PPP2R2B: variants seen among roughly 807,000 people sequenced by gnomAD.
PPP2R2B encodes the protein serine/threonine-protein phosphatase 2A 55 kDa regulatory subunit B beta isoform.
A neutral mutation model predicts 46.0 loss-of-function variants in PPP2R2B; 5 were observed. The ratio of observed to expected loss-of-function variants is 0.11; its 90% CI spans 0.06 to 0.23. The LOEUF is 0.23. Among genes scored for constraint, PPP2R2B ranks in the 10% least tolerant of loss-of-function variants. The pLI is 1.00. For synonymous variants in PPP2R2B, 215 were observed against 206.7 expected (o/e 1.04, Z -0.34); for missense variants, 367 against 575.0 (o/e 0.64, Z 3.70).
intron 2 of PPP2R2B, among the ~76,000 whole-genome samples, chr5:146,710,199 A>G (rs1290865135): frequency 6.6e-6 from 1 of 152,224 alleles, no homozygotes; most frequent in Non-Finnish European, 1.5e-5. Flanking sequence ...TTGTAAAATT[A>G]TGACTTCAGA....
chr5:147,060,059 A>G (rs531195960), upstream of PPP2R2B, among the ~76,000 whole-genome samples: 470 of 152,306 alleles, frequency 3.1e-3, 2 homozygotes, highest in South Asian at 9.7e-3. Flanking sequence ...TAGCTTATTT[A>G]ATATTAATCA....
chr5:146,780,775 G>A (rs1755461674), intron 2 of PPP2R2B, among the ~76,000 whole-genome samples: 1 of 152,048 alleles, frequency 6.6e-6, no homozygotes, highest in Non-Finnish European at 1.5e-5. Flanking sequence ...AATTCTCTCT[G>A]CCTGTTCTTC....
At chr5:146,733,079 C>T (rs755370733) in intron 2 of PPP2R2B, among the ~76,000 whole-genome samples, 8 of 152,114 alleles carry the variant, frequency 5.3e-5, no homozygotes, top group African/African-American at 9.7e-5. Context: ...GAATATGGGC[C>T]GAATTTGGAC....
chr5:146,655,490 T>A (rs2151100192), intron 5 of PPP2R2B, among the ~76,000 whole-genome samples: 1 of 152,322 alleles, frequency 6.6e-6, no homozygotes, highest in Non-Finnish European at 1.5e-5. Flanking sequence ...CAGAGTTTTT[T>A]AAACACTTCA....
chr5:146,720,249 C>A (rs1780721035), intron 2 of PPP2R2B, among the ~76,000 whole-genome samples: 1 of 152,184 alleles, frequency 6.6e-6, no homozygotes, highest in Non-Finnish European at 1.5e-5. Flanking sequence ...AAAAAACAGT[C>A]AAAACTGCAA....
chr5:147,007,287 G>C (rs1008521962), intron 1 of PPP2R2B, among the ~76,000 whole-genome samples: 3 of 152,170 alleles, frequency 2.0e-5, no homozygotes, highest in Admixed American at 2.0e-4. Flanking sequence ...TTAGAGGGGG[G>C]ATTGAGAGGT....
At chr5:146,869,486 T>C (rs1473513578) in intron 2 of PPP2R2B, among the ~76,000 whole-genome samples, 2 of 152,230 alleles carry the variant, frequency 1.3e-5, no homozygotes, top group South Asian at 2.1e-4. Context: ...TGTTCTGATA[T>C]GGAAAAATCT....
At chr5:146,987,318 A>T (rs1753476727) in intron 1 of PPP2R2B, among the ~76,000 whole-genome samples, 1 of 152,126 alleles carries the variant, frequency 6.6e-6, no homozygotes, top group African/African-American at 2.4e-5. Context: ...ACAAGAAAAC[A>T]TCTGAAGAAA....
intron 1 of PPP2R2B, among the ~76,000 whole-genome samples, chr5:146,985,334 T>A (rs1034000701): frequency 6.6e-6 from 1 of 152,170 alleles, no homozygotes; most frequent in African/African-American, 2.4e-5. Context: ...TTGCAAATAT[T>A]TTCTTCTCAT....
chr5:146,910,797 A>T (rs192805642), intron 1 of PPP2R2B, among the ~76,000 whole-genome samples: 1 of 152,208 alleles, frequency 6.6e-6, no homozygotes, highest in East Asian at 1.9e-4. Flanking sequence ...TAAAAAGAAT[A>T]TAGTATAAAA....
chr5:147,069,521 T>A (rs1038744003), intron 2 of PPP2R2B, among the ~76,000 whole-genome samples: 1 of 152,094 alleles, frequency 6.6e-6, no homozygotes, highest in Admixed American at 6.5e-5. Flanking sequence ...AACTTCAACA[T>A]AAACTCTTCC....
At chr5:146,794,427 A>G (rs529937722) in intron 2 of PPP2R2B, among the ~76,000 whole-genome samples, 3 of 152,334 alleles carry the variant, frequency 2.0e-5, no homozygotes, top group Admixed American at 2.0e-4. Context: ...AACTTTACCT[A>G]ATGATAGTTG....
At chr5:146,662,955 G>C (rs1309416379) in intron 5 of PPP2R2B, among the ~76,000 whole-genome samples, 1 of 152,088 alleles carries the variant, frequency 6.6e-6, no homozygotes, top group Admixed American at 6.6e-5. Context: ...TTAGTAAAGA[G>C]ATGTAAATTA....
At chr5:146,681,594 T>G (rs920510699) in intron 5 of PPP2R2B, among the ~76,000 whole-genome samples, 1 of 152,232 alleles carries the variant, frequency 6.6e-6, no homozygotes, top group African/African-American at 2.4e-5. Flanking sequence ...TCCTTGATTT[T>G]TCACTTCCTT....
rs375864986 is a variant in PPP2R2B at position 146,907,736 on chromosome 5, T to C, written c.79+147929A>G. Among the ~76,000 whole-genome samples, 6 of 152,386 alleles carry C rather than the reference T, an allele frequency of 3.9e-5. No individual in the cohort carries two copies. In the East Asian group the frequency reaches 1.2e-3, roughly 29 times the overall value. On this transcript the variant is annotated intron_variant, in intron 1 of 8. Coordinates refer to the PPP2R2B transcript ENST00000336640. The stretch of plus-strand genomic sequence containing the variant: ...TTGTCTTTTCCCATACCACTTTCAT[T>C]TTCTACTGCTTTGAAATCCTACACT...
chr5:146,978,502 C>T (rs115293701), intron 1 of PPP2R2B, among the ~76,000 whole-genome samples: 2,622 of 152,102 alleles, frequency 0.017, 42 homozygotes, highest in African/African-American at 0.048. Context: ...TATGATTTTA[C>T]GTACTACGTT....
intron 7 of PPP2R2B, among the ~76,000 whole-genome samples, chr5:146,602,427 A>G (rs1227343193): frequency 1.3e-5 from 2 of 152,174 alleles, no homozygotes; most frequent in Non-Finnish European, 2.9e-5. Flanking sequence ...CAGCTGAAAC[A>G]TATGCATTTG....
In PPP2R2B at chr5:146,698,054, C is replaced by G. The variant is rs1208250082; in HGVS notation, c.259G>C (p.Glu87Gln). The change falls in exon 4 of 10, where the codon GAA (glutamate) becomes CAA (glutamine). Residue 87 changes from glutamate to glutamine, a missense_variant. Physicochemically the swap from Glu to Gln is conservative, Grantham distance 29 (BLOSUM62 2). Around this residue, in one of 2 missense-constraint regions of PPP2R2B, gnomAD observed 361 missense variants for 545.5 expected, o/e 0.66. Transcript: ENST00000394411. ...ATTTTATTGATTTTTTCTTCTATTT[C>G]TAAACTCTTCAGGTAATCGAACTCG... ...EPEFDYLKSLEIEEKINKIRW... is the reference protein window; with the variant it reads ...EPEFDYLKSLQIEEKINKIRW... 6.2e-7 allele frequency: 1 copy of G among 1,613,256 alleles called. No homozygotes were observed. Among genetic ancestry groups the G allele is most frequent in the Non-Finnish European group, 8.5e-7 (1 of 1,179,720 alleles).
intron 2 of PPP2R2B, among the ~76,000 whole-genome samples, chr5:146,791,591 C>CT (rs1756206607): frequency 6.6e-6 from 1 of 152,096 alleles, no homozygotes; most frequent in Admixed American, 6.5e-5. Context: ...TACTTTTACT[C>CT]TCTTCACACT....
Sources: allele counts gnomAD v4.1 joint callset (sites outside exome capture counted in the v4.1 genomes callset), GRCh38; gene constraint gnomAD v4.1.1; regional missense constraint gnomAD v4.1.1; transcripts MANE v1.5; gene names NCBI Gene and HGNC (gene_info 2026-07-23, HGNC 2026-07-21).